EEF1G: variants seen among roughly 807,000 people sequenced by gnomAD.
EEF1G encodes the protein elongation factor 1-gamma.
EEF1G carries 14 observed loss-of-function variants against 58.3 expected under a neutral mutation model. The observed-to-expected ratio is 0.24, with a 90% confidence interval of 0.16 to 0.38. EEF1G has a LOEUF of 0.38. EEF1G is among the 10% of genes least tolerant of loss of function. The pLI is 1.00. For missense variants in EEF1G, 322 were observed against 550.1 expected, an observed-to-expected ratio of 0.59 and a Z score of 4.15; for synonymous variants, 180 against 206.8, an observed-to-expected ratio of 0.87 and a Z score of 1.11.
intron 5 of EEF1G, among the ~76,000 whole-genome samples, chr11:62,567,765 C>T (rs898350380): frequency 5.3e-5 from 8 of 150,536 alleles, no homozygotes; most frequent in Admixed American, 4.0e-4. Context: ...GGTGCAATGG[C>T]GTGATCTCAG....
At chr11:62,561,659 T>A (rs1941495101) in intron 7 of EEF1G, among the ~76,000 whole-genome samples, 1 of 101,928 alleles carries the variant, frequency 9.8e-6, no homozygotes. Flanking sequence ...AGACTCCGTC[T>A]CAAAAAAAAA....
At chr11:62,569,247 G>A (rs924727432) in intron 5 of EEF1G, among the ~76,000 whole-genome samples, 1 of 152,166 alleles carries the variant, frequency 6.6e-6, no homozygotes, top group Non-Finnish European at 1.5e-5. Flanking sequence ...CGAGGCGGGT[G>A]GATCACCTGA....
At position 62,571,607 on chromosome 11, in the gene EEF1G, G is replaced by C. The variant is rs765954334; in HGVS notation, c.311C>G (p.Ser104Cys). Residue 104 changes from serine to cysteine, a missense_variant, in exon 4 of 10, where the codon TCC becomes TGC. Coordinates refer to ENST00000329251, the MANE Select transcript of EEF1G (RefSeq NM_001404.5). ...QVVQWVSFAD[S>C]DIVPPASTWV... ...GGTACTGGCTGGGGGCACTATATCG[G>C]AATCAGCAAAGCTCACCCACTGCAC... The C allele has an allele frequency of 6.3e-7, 1 of 1,589,558 alleles. No individual in the cohort carries two copies. Among genetic ancestry groups the C allele is most frequent in the South Asian group, 1.1e-5 (1 of 87,006 alleles).
intron 7 of EEF1G, 23 bp downstream of exon 7, chr11:62,566,783 C>G: frequency 3.7e-6 from 6 of 1,612,100 alleles, no homozygotes; most frequent in Non-Finnish European, 5.1e-6. Context: ...GGTCCCACAC[C>G]CTCCACCCTC....
At chr11:62,568,155 G>A (rs1021380354) in intron 5 of EEF1G, among the ~76,000 whole-genome samples, 3 of 151,698 alleles carry the variant, frequency 2.0e-5, no homozygotes, top group Admixed American at 1.3e-4. Flanking sequence ...GTGAACCCGG[G>A]AGGCGGAGCT....
chr11:62,561,683 A>AAAAAAAAAAAAAAAAAAAAAAAAAAAAC (rs1565259889), intron 7 of EEF1G, among the ~76,000 whole-genome samples: 1 of 6,900 alleles, frequency 1.4e-4, no homozygotes, highest in African/African-American at 3.8e-4. Context: ...AAAAAAAAAC[A>AAAAAAAAAAAAAAAAAAAAAAAAAAAAC]AAAAAAAAAA....
intron 6 of EEF1G, 26 bp from the exon 7 acceptor site, chr11:62,567,036 G>C: frequency 6.2e-7 from 1 of 1,610,928 alleles, no homozygotes; most frequent in East Asian, 2.2e-5. Context: ...GCAGGAAAGT[G>C]AACGAATGTT....
rs922161548 is a variant in EEF1G, at chr11:62,573,878, C to T, written c.-36G>A. ...CAAAGAAAGGGGGTGGGGTTCTCGG[C>T]GCTGCCGCAAAGTAAGCCGCCCGGG... On this transcript the variant is annotated 5_prime_UTR_variant, in exon 1 of 10. Coordinates refer to ENST00000329251, the MANE Select transcript of EEF1G (RefSeq NM_001404.5). The T allele has an allele frequency of 6.8e-5, 109 of 1,613,364 alleles. No homozygotes were observed. Among genetic ancestry groups the T allele is most frequent in the Non-Finnish European group, 8.4e-5 (99 of 1,179,852 alleles).
At chr11:62,563,586 C>T (rs973234182) in intron 7 of EEF1G, among the ~76,000 whole-genome samples, 8 of 152,182 alleles carry the variant, frequency 5.3e-5, no homozygotes, top group Non-Finnish European at 7.4e-5. Flanking sequence ...TTTTAATGGC[C>T]AAACAATCTT....
chr11:62,572,849 CT>C, intron 1 of EEF1G, 107 bp from the exon 2 acceptor site: 5 of 1,066,468 alleles, frequency 4.7e-6, no homozygotes, highest in South Asian at 1.8e-5. Context: ...TCAACTCACC[CT>C]TTTACTTCCT....
In EEF1G at chr11:62,562,420, CAT is replaced by C. The variant is rs112476526; in HGVS notation, c.858-1968_858-1967del. ...ATGTGTGTGTGTGCATATACATACA[CAT>C]ATATATATATATGCTGACTGAAGAA... On this transcript the variant is annotated intron_variant, in intron 7 of 9. Coordinates refer to ENST00000329251, the MANE Select transcript of EEF1G (RefSeq NM_001404.5). Among the ~76,000 whole-genome samples, 246 of 150,240 alleles carry C rather than the reference CAT, an allele frequency of 1.6e-3. 2 individuals carry two copies. Among genetic ancestry groups the C allele is most frequent in the South Asian group, 1.9e-3 (9 of 4,758 alleles).
chr11:62,567,663 A>T (rs1941572770), intron 5 of EEF1G, 135 bp from the exon 6 acceptor site: 1 of 819,036 alleles, frequency 1.2e-6, no homozygotes. Context: ...GCTTCATACA[A>T]CATCATCCTT....
chr11:62,567,741 A>G (rs1222894419), intron 5 of EEF1G, among the ~76,000 whole-genome samples: 1 of 147,100 alleles, frequency 6.8e-6, no homozygotes, highest in East Asian at 2.0e-4. Flanking sequence ...GTCTCACTCT[A>G]TCGCTCAGGC....
chr11:62,572,971 T>C, intron 1 of EEF1G: 1 of 386,264 alleles, frequency 2.6e-6, no homozygotes, highest in South Asian at 6.3e-5. Context: ...AGATTTGACC[T>C]TCCCTAAGGA....
chr11:62,565,294 G>A (rs1410798450), intron 7 of EEF1G, among the ~76,000 whole-genome samples: 1 of 151,982 alleles, frequency 6.6e-6, no homozygotes, highest in African/African-American at 2.4e-5. Context: ...GCTGAGGTGG[G>A]AGGATCGCTT....
intron 5 of EEF1G, among the ~76,000 whole-genome samples, chr11:62,568,513 C>T (rs1328864737): frequency 6.6e-6 from 1 of 151,826 alleles, no homozygotes; most frequent in Non-Finnish European, 1.5e-5. Flanking sequence ...TGGGATTACC[C>T]GTGAGCCACC....
intron 7 of EEF1G, among the ~76,000 whole-genome samples, chr11:62,565,598 G>A (rs1264320961): frequency 1.3e-5 from 2 of 152,048 alleles, no homozygotes; most frequent in African/African-American, 2.4e-5. Flanking sequence ...AATTAACAAC[G>A]TCTGAGTTAC....
At chr11:62,569,397 C>A (rs1305205052) in intron 5 of EEF1G, among the ~76,000 whole-genome samples, 1 of 152,136 alleles carries the variant, frequency 6.6e-6, no homozygotes, top group Admixed American at 6.5e-5. Flanking sequence ...TCGCTTGAAC[C>A]TGGGAGGTGG....
In EEF1G at chr11:62,561,510, TAAAAAAAA is replaced by T. The variant is rs71458419; in HGVS notation, c.858-1064_858-1057del. On this transcript the variant is annotated intron_variant, in intron 7 of 9. Transcript: ENST00000329251. Reference sequence around the variant, plus strand: ...CAACATGGTGAAAACCTATCTCTACTAAAAAAAAAAAAAAAAAAAATTGGTGGCACACG... The same window carrying T: ...CAACATGGTGAAAACCTATCTCTACTAAAAAAAAAAAATTGGTGGCACACG... 7.8e-5 allele frequency among the ~76,000 whole-genome samples: 8 copies of T among 102,356 alleles called. No homozygotes were observed. In the Admixed American group the frequency reaches 8.6e-4, roughly 11 times the overall value. The allele number at this position is 102,356 out of a possible 152,430, so 67.1% of individuals were successfully genotyped here.
Sources: allele counts gnomAD v4.1 joint callset (sites outside exome capture counted in the v4.1 genomes callset), GRCh38; gene constraint gnomAD v4.1.1; transcripts MANE v1.5; gene names NCBI Gene and HGNC (gene_info 2026-07-23, HGNC 2026-07-21).